The following ZSCAN10 variants were observed in gnomAD, a reference collection of about 807,000 sequenced individuals.
ZSCAN10 encodes the protein zinc finger and SCAN domain-containing protein 10.
ZSCAN10 carries 52 observed loss-of-function variants against 63.7 expected under a neutral mutation model. That is an observed-to-expected ratio of 0.82 (90% CI 0.65 to 1.03). The LOEUF is 1.03. ZSCAN10 is among the 50% of genes least tolerant of loss of function. ZSCAN10 has a pLI of 0.00. For missense variants in ZSCAN10, 1,223 were observed against 1,103.8 expected (o/e 1.11, Z -1.53); for synonymous variants, 544 against 479.6 (o/e 1.13, Z -1.76).
Position 3,092,966 on chromosome 16 carries a change from C to G in ZSCAN10, c.-29G>C. The stretch of plus-strand genomic sequence containing the variant: ...TCACTGCGGGGATGCCTCCCTAACG[C>G]CAGCCCCGCTCTTGGGTCTCTCTCC... On this transcript the variant is annotated 5_prime_UTR_variant, in exon 2 of 6. Coordinates refer to ENST00000576985, the MANE Select transcript of ZSCAN10 (RefSeq NM_032805.3). 1 of 1,405,520 alleles carries G rather than the reference C, an allele frequency of 7.1e-7. No homozygotes were observed. Among genetic ancestry groups the G allele is most frequent in the Non-Finnish European group, 9.2e-7 (1 of 1,082,956 alleles). 87.1% of individuals were successfully genotyped at this position (1,405,520 alleles called of 1,614,324 possible).
intron 1 of ZSCAN10, among the ~76,000 whole-genome samples, chr16:3,097,905 C>T (rs1198363019): frequency 6.6e-6 from 1 of 151,740 alleles, no homozygotes; most frequent in Non-Finnish European, 1.5e-5. Context: ...AGGCCGGATG[C>T]GGTGGCTCAT....
intron 1 of ZSCAN10, among the ~76,000 whole-genome samples, chr16:3,097,877 C>T (rs1397600990): frequency 1.3e-5 from 2 of 151,588 alleles, no homozygotes; most frequent in African/African-American, 2.4e-5. Flanking sequence ...GATAAATGAT[C>T]AGAAAAATGG....
At position 3,090,494 on chromosome 16, in the gene ZSCAN10, C is replaced by T; in HGVS notation, c.940G>A (p.Ala314Thr). The change falls in exon 6 of 6, where the codon GCT becomes ACT. Residue 314 changes from alanine (A) to threonine (T), a missense_variant. By Grantham distance (58) the Ala-to-Thr change is moderately conservative. Coordinates refer to ENST00000576985, the MANE Select transcript of ZSCAN10 (RefSeq NM_032805.3). ...CAQSLGRGAAASGPGEDGSLL... is the reference protein window; with the variant it reads ...CAQSLGRGAATSGPGEDGSLL... ...GACCCATCTTCACCAGGGCCGCTAG[C>T]CGCAGCGCCCCGTCCGAGCGACTGG... 1 of 1,613,302 alleles carries T rather than the reference C, an allele frequency of 6.2e-7. No homozygotes were observed.
At position 3,091,846 on chromosome 16, in the gene ZSCAN10, G is replaced by T; in HGVS notation, c.665-18C>A. On this transcript the variant is annotated intron_variant, in intron 3 of 5. Transcript: ENST00000576985. Reference sequence around the variant, plus strand: ...CTGGGGACCTGACGGCATTGGGGAAGAGGGGAGGAAGTGCTGTTAGAAGGC... The same window carrying T: ...CTGGGGACCTGACGGCATTGGGGAATAGGGGAGGAAGTGCTGTTAGAAGGC... 1 of 1,575,668 alleles carries T rather than the reference G, an allele frequency of 6.3e-7. No individual in the cohort carries two copies. The highest frequency in any genetic ancestry group is 2.4e-5 in the East Asian group (1 of 42,260).
At chr16:3,097,360 C>G (rs755799181) in intron 1 of ZSCAN10, among the ~76,000 whole-genome samples, 1 of 152,116 alleles carries the variant, frequency 6.6e-6, no homozygotes, top group Non-Finnish European at 1.5e-5. Context: ...ACCCCTACCC[C>G]GGCTCCCCTG....
At position 3,089,111 on chromosome 16, in the gene ZSCAN10, C is replaced by T. The variant is rs779961203; in HGVS notation, c.2323G>A (p.Ala775Thr). Residue 775 changes from alanine (A) to threonine (T), a missense_variant, in exon 6 of 6, where the codon GCC becomes ACC. Physicochemically the swap from Ala to Thr is moderately conservative, Grantham distance 58. Transcript: ENST00000576985. The part of the protein sequence containing the change: ...SHLLRHLRTH[A>T]RETLY ...CCAAGCTAGTACAGCGTCTCGCGGG[C>T]GTGGGTGCGCAGGTGGCGCAGCAGG... is the stretch of plus-strand genomic sequence containing the variant. The T allele has an allele frequency of 3.3e-6, 5 of 1,505,710 alleles. No individual in the cohort carries two copies. The highest frequency in any genetic ancestry group is 4.4e-5 in the Admixed American group (2 of 45,484). 93.3% of individuals were successfully genotyped at this position (1,505,710 alleles called of 1,614,324 possible). A position where few individuals can be genotyped will look rare whatever the true frequency, so the allele number is the denominator to read the frequency against.
rs371407228 is a variant in ZSCAN10 at position 3,098,042 on chromosome 16, CAAA to C, written c.-68+1145_-68+1147del. Among the ~76,000 whole-genome samples, 216 of 44,432 alleles carry C rather than the reference CAAA, an allele frequency of 4.9e-3. 2 individuals carry two copies. The highest frequency in any genetic ancestry group is 0.024 in the Admixed American group (79 of 3,340). The allele number at this position is 44,432 out of a possible 152,430, so 29.1% of individuals were successfully genotyped here. On this transcript the variant is annotated intron_variant, in intron 1 of 5. Transcript: ENST00000576985. ...TGGATAAAAGGCGAAGACCCTGTCT[CAAA>C]AAAAAAAAAAAAAAAAAGAAAGAAA...
intron 1 of ZSCAN10, 84 bp from the exon 2 acceptor site, chr16:3,093,088 A>G: frequency 9.5e-7 from 1 of 1,048,300 alleles, no homozygotes; most frequent in Non-Finnish European, 1.2e-6. Context: ...AAGACACCCA[A>G]TACGCAGACC....
Position 3,092,552 on chromosome 16 carries a change from G to C in ZSCAN10, c.386C>G (p.Ala129Gly). The change falls in exon 2 of 6, where the codon GCG (alanine) becomes GGG (glycine). Residue 129 changes from alanine to glycine, a missense_variant. By Grantham distance (60) the Ala-to-Gly change is moderately conservative. Transcript: ENST00000576985. ...LEGIHREPSH[A>G]GPLDFSCNAG... is the part of the protein sequence containing the mutation. ...GCCCCACCCTCTCACCAGCGGCCCC[G>C]CGTGGCTGGGCTCCCGGTGGATGCC... 1.3e-6 allele frequency: 2 copies of C among 1,534,990 alleles called. No homozygotes were observed. Among genetic ancestry groups the C allele is most frequent in the Non-Finnish European group, 1.8e-6 (2 of 1,142,270 alleles).
chr16:3,091,900 C>T (rs1290961349), intron 3 of ZSCAN10, 72 bp from the exon 4 acceptor site: 21 of 1,594,048 alleles, frequency 1.3e-5, no homozygotes, highest in Middle Eastern at 2.2e-4. Context: ...GCTGCAAGGA[C>T]ACACACCGCA....
At chr16:3,091,172 C>T (rs896194831) in intron 5 of ZSCAN10, among the ~76,000 whole-genome samples, 16 of 149,054 alleles carry the variant, frequency 1.1e-4, no homozygotes, top group Non-Finnish European at 2.2e-4. Flanking sequence ...GTTAGCTGGG[C>T]GTGGTGGCAC....
In ZSCAN10 at chr16:3,092,047, A is replaced by T; in HGVS notation, c.664+2T>A. 6.4e-7 allele frequency: 1 copy of T among 1,555,784 alleles called. No homozygotes were observed. The highest frequency in any genetic ancestry group is 8.7e-7 in the Non-Finnish European group (1 of 1,150,624). On this transcript the variant is annotated splice_donor_variant, in intron 3 of 5. Coordinates refer to ENST00000576985, the MANE Select transcript of ZSCAN10 (RefSeq NM_032805.3). LOFTEE classifies it high-confidence loss of function. ...TGGCCTCCTAGGGCACAAGCTCCTC[A>T]CTGCTTTCTTGCAGGGCCTGGAATG...
chr16:3,094,013 T>A (rs1021898555), intron 1 of ZSCAN10, among the ~76,000 whole-genome samples: 1 of 152,012 alleles, frequency 6.6e-6, no homozygotes, highest in Non-Finnish European at 1.5e-5. Context: ...TTTAATTAAG[T>A]AATTTATTTA....
At position 3,091,835 on chromosome 16, in the gene ZSCAN10, G is replaced by A; in HGVS notation, c.665-7C>T. 3 of 1,573,444 alleles carry A rather than the reference G, an allele frequency of 1.9e-6. No individual in the cohort carries two copies. Among genetic ancestry groups the A allele is most frequent in the Non-Finnish European group, 2.6e-6 (3 of 1,159,490 alleles). ...GGTGAGGGGCCCTGGGGACCTGACG[G>A]CATTGGGGAAGAGGGGAGGAAGTGC... On this transcript the variant is annotated splice_region_variant and splice_polypyrimidine_tract_variant and intron_variant, in intron 3 of 5. Coordinates refer to ENST00000576985, the MANE Select transcript of ZSCAN10 (RefSeq NM_032805.3).
chr16:3,090,083 G>A lies in ZSCAN10; in HGVS notation c.1351C>T (p.Leu451=). 1.2e-6 allele frequency: 2 copies of A among 1,605,146 alleles called. No individual in the cohort carries two copies. Among genetic ancestry groups the A allele is most frequent in the African/African-American group, 2.7e-5 (2 of 74,966 alleles). ...TTCTGGTCCTGGGCGTGCGCCAGCA[G>A]GTGCTGCACAAGGCTGGCGCGGCGC... ...FQRRASLVQH[L]LAHAQDQKPP... Residue 451 remains leucine, a synonymous_variant, in exon 6 of 6, where the codon CTG becomes TTG. Coordinates refer to ENST00000576985, the MANE Select transcript of ZSCAN10 (RefSeq NM_032805.3).
Position 3,091,826 on chromosome 16 carries a change from G to A in ZSCAN10, c.667C>T (p.Pro223Ser). The A allele has an allele frequency of 6.4e-7, 1 of 1,572,224 alleles. No homozygotes were observed. Among genetic ancestry groups the A allele is most frequent in the East Asian group, 2.4e-5 (1 of 42,096 alleles). Reference protein sequence around the residue: ...KTFQALQESSPQGPSPWPEES... With the variant: ...KTFQALQESSSQGPSPWPEES... ...TCTGGCCATGGTGAGGGGCCCTGGG[G>A]ACCTGACGGCATTGGGGAAGAGGGG... Residue 223 changes from proline to serine, a missense_variant and splice_region_variant, in exon 4 of 6, where the codon CCC (proline) becomes TCC (serine). Pro to Ser is a moderately conservative substitution (Grantham distance 74). Coordinates refer to ENST00000576985, the MANE Select transcript of ZSCAN10 (RefSeq NM_032805.3).
In ZSCAN10 at chr16:3,089,588, C is replaced by T. The variant is rs778417520; in HGVS notation, c.1846G>A (p.Gly616Ser). The T allele has an allele frequency of 9.5e-6, 15 of 1,584,100 alleles. No homozygotes were observed. The highest frequency in any genetic ancestry group is 1.7e-4 in the Middle Eastern group (1 of 6,004). The change falls in exon 6 of 6, where the codon GGC (glycine) becomes AGC (serine). Residue 616 changes from glycine to serine, a missense_variant. Gly to Ser is a moderately conservative substitution (Grantham distance 56). Transcript: ENST00000576985. ...HHCTQCGKSF[G>S]QTQDLARHQR... ...TGGCGGGCCAGATCCTGGGTCTGGCCGAAACTCTTCCCGCACTGGGTGCAG... is the reference window on the plus strand; with the variant it reads ...TGGCGGGCCAGATCCTGGGTCTGGCTGAAACTCTTCCCGCACTGGGTGCAG...
intron 1 of ZSCAN10, among the ~76,000 whole-genome samples, chr16:3,094,305 T>C (rs546533511): frequency 6.6e-6 from 1 of 152,184 alleles, no homozygotes; most frequent in Admixed American, 6.5e-5. Flanking sequence ...TGAGCCACTG[T>C]GCCTAGCCCA....
intron 1 of ZSCAN10, among the ~76,000 whole-genome samples, chr16:3,097,997 C>T (rs182722734): frequency 2.2e-4 from 31 of 140,648 alleles, no homozygotes; most frequent in African/African-American, 7.6e-4. Context: ...GAGCCATGTT[C>T]GCGCCACTGC....
Sources: gnomAD v4.1 joint callset for allele counts (sites outside exome capture counted in the v4.1 genomes callset) on GRCh38, gnomAD v4.1.1 for gene constraint, MANE v1.5 for transcripts, NCBI Gene and HGNC (gene_info 2026-07-23, HGNC 2026-07-21) for gene names.